The following METTL15 variants were observed in gnomAD, a reference collection of about 807,000 sequenced individuals.
The protein encoded by METTL15 is 12S rRNA N(4)-cytidine methyltransferase METTL15.
METTL15 carries 34 observed loss-of-function variants against 38.3 expected under a neutral mutation model. That is an observed-to-expected ratio of 0.89 (90% confidence interval 0.68 to 1.18). The LOEUF (loss-of-function observed/expected upper bound fraction) is 1.18, where lower values mean the gene tolerates loss of function less well. METTL15 is among the 50% of genes most tolerant of loss of function. The probability of loss-of-function intolerance (pLI) is 0.00; values close to 1 mark genes in which losing one functional copy is unlikely to be tolerated. For synonymous variants in METTL15, 162 were observed against 170.9 expected (o/e 0.95, Z 0.41); for missense variants, 438 against 498.4 (o/e 0.88, Z 1.15).
intron 6 of METTL15, among the ~76,000 whole-genome samples, chr11:28,515,915 A>C (rs548970275): frequency 1.1e-4 from 17 of 152,364 alleles, no homozygotes; most frequent in African/African-American, 4.1e-4. Flanking sequence ...CTTCTCAGAA[A>C]TATCTCAGCA....
At chr11:28,216,190 GA>G (rs1349773393) in intron 4 of METTL15, among the ~76,000 whole-genome samples, 1 of 151,816 alleles carries the variant, frequency 6.6e-6, no homozygotes, top group African/African-American at 2.4e-5. Flanking sequence ...GATGTTTTTT[GA>G]ATTAAAAAGT....
At chr11:28,342,759 C>T (rs1849964318) in intron 3 of METTL15, among the ~76,000 whole-genome samples, 1 of 152,140 alleles carries the variant, frequency 6.6e-6, no homozygotes, top group South Asian at 2.1e-4. Flanking sequence ...AACTGATTCA[C>T]CTAAATGGGA....
intron 4 of METTL15, chr11:28,287,575 G>T: frequency 3.6e-6 from 1 of 277,366 alleles, no homozygotes; most frequent in Non-Finnish European, 7.0e-6. Context: ...CTCTCTTTCT[G>T]GCATTGTTGA....
intron 3 of METTL15, chr11:28,163,255 T>A (rs1850535771): frequency 2.5e-6 from 1 of 396,140 alleles, no homozygotes. Flanking sequence ...GATGATTAAT[T>A]TGTTGATTTG....
chr11:28,176,537 A>T (rs1851082283), intron 3 of METTL15, among the ~76,000 whole-genome samples: 1 of 152,282 alleles, frequency 6.6e-6, no homozygotes, highest in African/African-American at 2.4e-5. Flanking sequence ...AAATCAGTTA[A>T]TATTAGGAAA....
chr11:28,457,159 G>A (rs763455842), intron 6 of METTL15, among the ~76,000 whole-genome samples: 26 of 152,166 alleles, frequency 1.7e-4, no homozygotes, highest in Non-Finnish European at 3.4e-4. Flanking sequence ...GTTGTAAGAA[G>A]ACTGCCTCTG....
chr11:28,346,062 G>A (rs1055607644), intron 3 of METTL15, among the ~76,000 whole-genome samples: 6 of 152,292 alleles, frequency 3.9e-5, no homozygotes, highest in African/African-American at 1.4e-4. Context: ...CTATTTTAAA[G>A]ACACATCTTT....
chr11:28,378,760 A>AT (rs1564912672), intron 5 of METTL15, among the ~76,000 whole-genome samples: 11 of 72,864 alleles, frequency 1.5e-4, no homozygotes, highest in African/African-American at 4.0e-4. Context: ...CCTCCTCTTC[A>AT]GTTTTTTTTT....
At chr11:28,486,885 G>T (rs1344988832) in intron 6 of METTL15, among the ~76,000 whole-genome samples, 1 of 152,104 alleles carries the variant, frequency 6.6e-6, no homozygotes, top group African/African-American at 2.4e-5. Flanking sequence ...AAAGCACCAG[G>T]TGAGGTCAGC....
At position 28,320,569 on chromosome 11, in the gene METTL15, A is replaced by C. The variant is rs187326709; in HGVS notation, c.779-9827A>C. ...TGAGACCCTGTGCCCCCGACCCCCC[A>C]AAAAAAATACCTGTGCAGAAAGGTG... is the stretch of plus-strand genomic sequence containing the variant. On this transcript the variant is annotated intron_variant, in intron 6 of 6. Coordinates refer to ENST00000407364, the MANE Select transcript of METTL15 (RefSeq NM_001113528.2). Among the ~76,000 whole-genome samples, 156 of 151,676 alleles carry C rather than the reference A, an allele frequency of 1.0e-3. 2 individuals are homozygous for C. The highest frequency in any genetic ancestry group is 3.1e-3 in the South Asian group (15 of 4,800).
intron 3 of METTL15, among the ~76,000 whole-genome samples, chr11:28,130,447 A>C (rs1852713727): frequency 6.6e-6 from 1 of 152,214 alleles, no homozygotes; most frequent in Non-Finnish European, 1.5e-5. Flanking sequence ...TAGTCATACT[A>C]TTTGAAAAAA....
intron 3 of METTL15, among the ~76,000 whole-genome samples, chr11:28,179,236 CT>C (rs1237042475): frequency 2.6e-5 from 4 of 151,698 alleles, no homozygotes; most frequent in South Asian, 2.1e-4. Context: ...GTTTTTCCCC[CT>C]ATTTGTATGG....
intron 5 of METTL15, among the ~76,000 whole-genome samples, chr11:28,365,335 A>T (rs1288214818): frequency 1.3e-5 from 2 of 152,056 alleles, no homozygotes; most frequent in Non-Finnish European, 2.9e-5. Context: ...GTTTTTTAAT[A>T]CTGATTCAAT....
intron 6 of METTL15, among the ~76,000 whole-genome samples, chr11:28,428,802 C>T (rs552318134): frequency 6.6e-6 from 1 of 152,248 alleles, no homozygotes; most frequent in East Asian, 1.9e-4. Context: ...CTTGTTCTCT[C>T]CTATCTTTAT....
chr11:28,311,746 T>C (rs1857311406), intron 6 of METTL15, among the ~76,000 whole-genome samples: 1 of 152,248 alleles, frequency 6.6e-6, no homozygotes, highest in Non-Finnish European at 1.5e-5. Flanking sequence ...AGATAACATA[T>C]TTTAGATGTC....
intron 5 of METTL15, among the ~76,000 whole-genome samples, chr11:28,409,099 CG>C (rs1444009401): frequency 6.6e-6 from 1 of 151,900 alleles, no homozygotes; most frequent in Non-Finnish European, 1.5e-5. Context: ...ATATTTAAAT[CG>C]GGCTGGGCGC....
intron 6 of METTL15, among the ~76,000 whole-genome samples, chr11:28,307,955 C>T (rs1300575387): frequency 6.6e-6 from 1 of 151,972 alleles, no homozygotes; most frequent in Non-Finnish European, 1.5e-5. Flanking sequence ...TTTAAGATAT[C>T]TTCGATGAAG....
At chr11:28,353,918 C>T (rs1344190232) in intron 4 of METTL15, among the ~76,000 whole-genome samples, 5 of 127,692 alleles carry the variant, frequency 3.9e-5, no homozygotes, top group East Asian at 2.2e-4. Context: ...GGCGACAGAG[C>T]GAGACTCCGT....
intron 6 of METTL15, among the ~76,000 whole-genome samples, chr11:28,298,405 A>G (rs1231141485): frequency 1.3e-5 from 2 of 152,116 alleles, no homozygotes; most frequent in Non-Finnish European, 2.9e-5. Flanking sequence ...AAAATTGTCT[A>G]GTCAGCAAAC....
Sources: allele counts gnomAD v4.1 joint callset (sites outside exome capture counted in the v4.1 genomes callset), GRCh38; gene constraint gnomAD v4.1.1; transcripts MANE v1.5; gene names NCBI Gene and HGNC (gene_info 2026-07-23, HGNC 2026-07-21).